Variants in ADGRL3 observed in about 807,000 individuals in gnomAD.
ADGRL3 encodes the protein calcium-independent alpha-latrotoxin receptor 3.
A neutral mutation model predicts 153.5 loss-of-function variants in ADGRL3; 62 were observed. The observed-to-expected ratio is 0.40, with a 90% CI of 0.33 to 0.50. ADGRL3 has a LOEUF of 0.50. Among genes scored for constraint, ADGRL3 ranks in the 20% least tolerant of loss-of-function variants. The pLI is 0.47. For synonymous variants in ADGRL3, 710 were observed against 672.5 expected (o/e 1.06, Z -0.86); for missense variants, 1,641 against 1,859.4 (o/e 0.88, Z 2.16).
At chr4:61,365,737 T>A (rs777191822) in intron 1 of ADGRL3, among the ~76,000 whole-genome samples, 24 of 152,250 alleles carry the variant, frequency 1.6e-4, no homozygotes, top group African/African-American at 2.4e-5. Context: ...CCAGTTAGTA[T>A]CTTTAGAATT....
intron 9 of ADGRL3, among the ~76,000 whole-genome samples, chr4:61,844,875 A>G (rs78615357): frequency 0.018 from 2,685 of 152,004 alleles, 34 homozygotes; most frequent in Non-Finnish European, 0.027. Context: ...TGTCTCTCTA[A>G]CACTGAACTA....
intron 9 of ADGRL3, among the ~76,000 whole-genome samples, chr4:61,887,313 T>G (rs1398051434): frequency 1.3e-5 from 2 of 152,178 alleles, no homozygotes; most frequent in East Asian, 3.9e-4. Flanking sequence ...CTTAAAGTGT[T>G]AAGGAAGACT....
chr4:62,020,504 A>T (rs1368064512), intron 21 of ADGRL3, among the ~76,000 whole-genome samples: 3 of 152,132 alleles, frequency 2.0e-5, no homozygotes, highest in Non-Finnish European at 4.4e-5. Context: ...AGGTATGTCA[A>T]CTTGCTAAAA....
chr4:61,231,047 A>G (rs1371089917), intron 1 of ADGRL3, among the ~76,000 whole-genome samples: 2 of 152,172 alleles, frequency 1.3e-5, no homozygotes, highest in Non-Finnish European at 1.5e-5. Context: ...GCCCTGTAAC[A>G]TACCACTAAT....
At chr4:62,067,398 A>G (rs1743537403) in intron 25 of ADGRL3, among the ~76,000 whole-genome samples, 1 of 152,064 alleles carries the variant, frequency 6.6e-6, no homozygotes, top group Non-Finnish European at 1.5e-5. Flanking sequence ...CAACTCTCAA[A>G]ATGTTTGATT....
chr4:61,614,060 T>C (rs575365145), intron 5 of ADGRL3, among the ~76,000 whole-genome samples: 31 of 152,220 alleles, frequency 2.0e-4, no homozygotes, highest in African/African-American at 7.2e-4. Context: ...AAAATAGTAT[T>C]TTTACAAAGG....
chr4:61,226,181 C>G (rs554644514), intron 1 of ADGRL3, among the ~76,000 whole-genome samples: 1 of 151,962 alleles, frequency 6.6e-6, no homozygotes, highest in African/African-American at 2.4e-5. Context: ...TAAACAGTTA[C>G]AATTATCCTG....
intron 17 of ADGRL3, among the ~76,000 whole-genome samples, chr4:61,968,886 C>A (rs377440189): frequency 2.0e-4 from 31 of 152,230 alleles, no homozygotes; most frequent in South Asian, 1.4e-3. Context: ...TAAATTTGGA[C>A]AAGATGCTAC....
chr4:62,040,241 CTGT>C (rs775473731), intron 24 of ADGRL3, among the ~76,000 whole-genome samples: 15 of 151,980 alleles, frequency 9.9e-5, no homozygotes, highest in Non-Finnish European at 1.5e-4. Context: ...CCATTTATTA[CTGT>C]TGTTATTACA....
intron 1 of ADGRL3, among the ~76,000 whole-genome samples, chr4:61,374,015 C>T (rs1175137229): frequency 1.3e-5 from 2 of 152,124 alleles, no homozygotes; most frequent in Non-Finnish European, 1.5e-5. Flanking sequence ...TGAACTTCAT[C>T]AAGGGGGTTA....
Position 61,733,202 on chromosome 4 carries a change from C to T in ADGRL3, c.1047C>T (p.Asn349=), listed in dbSNP as rs1486463767. 8 of 1,613,346 alleles carry T rather than the reference C, an allele frequency of 5.0e-6. No homozygotes were observed. Among genetic ancestry groups the T allele is most frequent in the Non-Finnish European group, 6.8e-6 (8 of 1,179,708 alleles). ...GGGTAATCTATGCAACAGAACAAAA[C>T]AATGGTAAAATTGTCATTAGTCAAT... ...GLWVIYATEQ[N]NGKIVISQLN... The change falls in exon 8 of 27, where the codon AAC becomes AAT. Residue 349 remains asparagine (N), a synonymous_variant. Coordinates refer to ENST00000683033, the MANE Select transcript of ADGRL3 (RefSeq NM_001387552.1).
intron 1 of ADGRL3, among the ~76,000 whole-genome samples, chr4:61,228,434 A>C (rs1214533192): frequency 6.6e-6 from 1 of 152,168 alleles, no homozygotes; most frequent in Non-Finnish European, 1.5e-5. Context: ...TCCATATTCT[A>C]ATTTGATGTT....
intron 1 of ADGRL3, among the ~76,000 whole-genome samples, chr4:61,370,150 A>G (rs1355911125): frequency 1.3e-5 from 2 of 151,964 alleles, no homozygotes; most frequent in African/African-American, 4.8e-5. Context: ...CTAGTGATTT[A>G]TCAATTTTGT....
At chr4:61,893,020 A>G in intron 10 of ADGRL3, 62 bp downstream of exon 10, 1 of 1,117,220 alleles carries the variant, frequency 9.0e-7, no homozygotes, top group Non-Finnish European at 1.2e-6. Context: ...ATTTTCTAGT[A>G]TTCTTTTCCT....
chr4:61,379,108 G>A (rs1478873999), intron 1 of ADGRL3, among the ~76,000 whole-genome samples: 1 of 151,916 alleles, frequency 6.6e-6, no homozygotes, highest in Non-Finnish European at 1.5e-5. Flanking sequence ...AGAGAGAGGT[G>A]GCACAAGATG....
chr4:61,984,357 A>G lies in ADGRL3; in HGVS notation c.3236+754A>G, dbSNP rs116851710. On this transcript the variant is annotated intron_variant, in intron 19 of 26. Coordinates refer to ENST00000683033, the MANE Select transcript of ADGRL3 (RefSeq NM_001387552.1). The stretch of plus-strand genomic sequence containing the variant: ...AGGTAAGCAGAGGCTTAGAAAGATT[A>G]CCATGAGGTTTAGATTCAAGGCAAG... Among the ~76,000 whole-genome samples the G allele has an allele frequency of 1.4e-4, 21 of 152,306 alleles. No homozygotes were observed. In the East Asian group the frequency reaches 3.9e-3, roughly 28 times the overall value.
chr4:61,260,248 GCAAAAATGAA>G (rs1378313244), intron 1 of ADGRL3, among the ~76,000 whole-genome samples: 3 of 152,060 alleles, frequency 2.0e-5, no homozygotes, highest in Non-Finnish European at 4.4e-5. Context: ...ACAGATAAAG[GCAAAAATGAA>G]CTGTATTCAT....
At chr4:61,694,173 GTCA>G (rs1435769964) in intron 6 of ADGRL3, among the ~76,000 whole-genome samples, 1 of 73,794 alleles carries the variant, frequency 1.4e-5, no homozygotes, top group African/African-American at 4.6e-5. Flanking sequence ...TTAAAATTTT[GTCA>G]TTATTTTTTT....
intron 2 of ADGRL3, among the ~76,000 whole-genome samples, chr4:61,479,573 T>C (rs971857685): frequency 6.6e-6 from 1 of 152,062 alleles, no homozygotes; most frequent in African/African-American, 2.4e-5. Context: ...TATAGGAAAT[T>C]GGGGAAGATT....
Sources: gnomAD v4.1 joint callset for allele counts (sites outside exome capture counted in the v4.1 genomes callset) on GRCh38, gnomAD v4.1.1 for gene constraint, MANE v1.5 for transcripts, NCBI Gene and HGNC (gene_info 2026-07-23, HGNC 2026-07-21) for gene names.